Variants in PGS1 observed in about 807,000 individuals in gnomAD.
PGS1 encodes CDP-diacylglycerol--glycerol-3-phosphate 3-phosphatidyltransferase, mitochondrial.
A neutral mutation model predicts 58.3 loss-of-function variants in PGS1; 44 were observed. That is an observed-to-expected ratio of 0.75 (90% CI 0.59 to 0.97). PGS1 has a LOEUF of 0.97. PGS1 is among the 50% of genes least tolerant of loss of function. The pLI is 0.00. For missense variants in PGS1, 684 were observed against 731.1 expected, an observed-to-expected ratio of 0.94 and a Z score of 0.74; for synonymous variants, 330 against 311.0, an observed-to-expected ratio of 1.06 and a Z score of -0.64.
In PGS1 at chr17:78,378,809, G is replaced by T; in HGVS notation, c.143+1G>T. ...GGAACCGGGACCGCCAGCGCAGGAG[G>T]TGAGAGGGGCGGCCGGGATGAGAGT... On this transcript the variant is annotated splice_donor_variant, in intron 1 of 9. Transcript: ENST00000262764. LOFTEE classifies it high-confidence loss of function. 6.9e-7 allele frequency: 1 copy of T among 1,450,530 alleles called. No individual in the cohort carries two copies. The highest frequency in any genetic ancestry group is 1.4e-5 in the South Asian group (1 of 73,396). The allele number at this position is 1,450,530 out of a possible 1,614,324, so 89.9% of individuals were successfully genotyped here. A position where few individuals can be genotyped will look rare whatever the true frequency, so the allele number is the denominator to read the frequency against.
intron 1 of PGS1, among the ~76,000 whole-genome samples, chr17:78,392,255 G>A (rs1325193869): frequency 6.6e-6 from 1 of 152,164 alleles, no homozygotes; most frequent in Non-Finnish European, 1.5e-5. Flanking sequence ...TCAGTTAGTA[G>A]GCTCTTTAAG....
At chr17:78,397,947 T>G (rs957632566) in intron 3 of PGS1, 15 of 474,684 alleles carry the variant, frequency 3.2e-5, no homozygotes, top group Non-Finnish European at 6.0e-5. Context: ...GAAATGTACG[T>G]GAGACCTGGT....
At chr17:78,379,765 T>G (rs747523093) in intron 1 of PGS1, among the ~76,000 whole-genome samples, 3 of 149,820 alleles carry the variant, frequency 2.0e-5, no homozygotes, top group Non-Finnish European at 3.0e-5. Flanking sequence ...GGAGGTGGAG[T>G]TTGCAGTGAG....
At chr17:78,386,871 C>T (rs1398128949) in intron 1 of PGS1, among the ~76,000 whole-genome samples, 1 of 152,132 alleles carries the variant, frequency 6.6e-6, no homozygotes, top group Non-Finnish European at 1.5e-5. Context: ...AAATAGGTCC[C>T]TGAGCAGCGA....
At chr17:78,411,528 A>G (rs551797927) in intron 7 of PGS1, among the ~76,000 whole-genome samples, 1 of 152,304 alleles carries the variant, frequency 6.6e-6, no homozygotes, top group South Asian at 2.1e-4. Context: ...TCTGGCACCC[A>G]GGGCTGCAGT....
chr17:78,386,147 C>T (rs1325663201), intron 1 of PGS1, among the ~76,000 whole-genome samples: 1 of 152,172 alleles, frequency 6.6e-6, no homozygotes, highest in African/African-American at 2.4e-5. Context: ...GTCAGGCTTC[C>T]TGGGGTGGTG....
chr17:78,424,418 GC>G lies in PGS1; in HGVS notation c.*370del. ...CGTTTAAATCTGTGGCATTTTCAGA[GC>G]CTCATCTGTCAGCCTTAATGTCAGT... On this transcript the variant is annotated 3_prime_UTR_variant, in exon 10 of 10. Coordinates refer to ENST00000262764, the MANE Select transcript of PGS1 (RefSeq NM_024419.5). The G allele has an allele frequency of 2.3e-6, 1 of 429,584 alleles. No homozygotes were observed. Among genetic ancestry groups the G allele is most frequent in the Non-Finnish European group, 4.2e-6 (1 of 238,742 alleles). 26.6% of individuals were successfully genotyped at this position (429,584 alleles called of 1,614,324 possible). A position where few individuals can be genotyped will look rare whatever the true frequency, so the allele number is the denominator to read the frequency against.
intron 6 of PGS1, among the ~76,000 whole-genome samples, chr17:78,401,163 G>T (rs2083628001): frequency 6.6e-6 from 1 of 152,164 alleles, no homozygotes; most frequent in Admixed American, 6.5e-5. Context: ...AGGGTATGCA[G>T]CAGCGTGTCC....
chr17:78,379,191 C>T (rs998338016), intron 1 of PGS1, among the ~76,000 whole-genome samples: 1 of 152,196 alleles, frequency 6.6e-6, no homozygotes, highest in Admixed American at 6.5e-5. Context: ...ATCATGGTTT[C>T]GGCCCCAGGA....
At chr17:78,387,531 T>C (rs113847206) in intron 1 of PGS1, among the ~76,000 whole-genome samples, 2 of 151,204 alleles carry the variant, frequency 1.3e-5, no homozygotes, top group African/African-American at 4.9e-5. Context: ...ACTCCTGACC[T>C]CAGGTGATAT....
intron 7 of PGS1, among the ~76,000 whole-genome samples, chr17:78,412,575 T>C (rs2084809606): frequency 6.6e-6 from 1 of 152,220 alleles, no homozygotes; most frequent in Admixed American, 6.5e-5. Context: ...ACCGAGCCAG[T>C]GCTTAGGTGG....
chr17:78,388,624 T>C (rs1047001448), intron 1 of PGS1, among the ~76,000 whole-genome samples: 7 of 151,950 alleles, frequency 4.6e-5, no homozygotes, highest in African/African-American at 1.7e-4. Context: ...GGATTACAAG[T>C]GTGAGCCACT....
intron 1 of PGS1, among the ~76,000 whole-genome samples, chr17:78,386,889 A>G (rs2082421417): frequency 6.6e-6 from 1 of 152,160 alleles, no homozygotes; most frequent in African/African-American, 2.4e-5. Context: ...CGAGCAGTAT[A>G]GTTTCAGAGC....
chr17:78,411,470 G>C (rs1212884101), intron 7 of PGS1, among the ~76,000 whole-genome samples: 3 of 152,204 alleles, frequency 2.0e-5, no homozygotes, highest in Non-Finnish European at 4.4e-5. Context: ...TTTATAGTGA[G>C]TGAGTGTGGA....
intron 6 of PGS1, 28 bp from the exon 7 acceptor site, chr17:78,403,540 C>T (rs564038115): frequency 1.4e-5 from 23 of 1,599,770 alleles, no homozygotes; most frequent in South Asian, 2.2e-5. Context: ...TTTCTCTTCC[C>T]TTCACTCTTC....
intron 1 of PGS1, among the ~76,000 whole-genome samples, chr17:78,386,218 G>A (rs1271178791): frequency 2.0e-5 from 3 of 152,230 alleles, no homozygotes; most frequent in African/African-American, 7.2e-5. Flanking sequence ...CACCTTTAGA[G>A]TGGCAGGCTG....
chr17:78,378,820 G>T lies in PGS1; in HGVS notation c.143+12G>T. The stretch of plus-strand genomic sequence containing the variant: ...CGCCAGCGCAGGAGGTGAGAGGGGC[G>T]GCCGGGATGAGAGTGCAGCCCTCGC... On this transcript the variant is annotated intron_variant, in intron 1 of 9. Coordinates refer to ENST00000262764, the MANE Select transcript of PGS1 (RefSeq NM_024419.5). 1 of 1,435,604 alleles carries T rather than the reference G, an allele frequency of 7.0e-7. No individual in the cohort carries two copies. Among genetic ancestry groups the T allele is most frequent in the African/African-American group, 1.5e-5 (1 of 67,016 alleles). The allele number at this position is 1,435,604 out of a possible 1,614,324, so 88.9% of individuals were successfully genotyped here.
intron 8 of PGS1, 106 bp from the exon 9 acceptor site, chr17:78,419,440 T>A: frequency 1.0e-6 from 1 of 959,336 alleles, no homozygotes; most frequent in South Asian, 1.3e-5. Context: ...ACATGGGAAG[T>A]CAGGGTTTTC....
At position 78,423,104 on chromosome 17, in the gene PGS1, C is replaced by CG. The variant is rs1421629355; in HGVS notation, c.*11-956dup. On this transcript the variant is annotated intron_variant, in intron 9 of 9. Transcript: ENST00000262764. Reference sequence around the variant, plus strand: ...CAAGAGTGAAACTCTCACTCTCCCTCGAAAAAAAAAAAAAATGTTGATCCT... The same window carrying CG: ...CAAGAGTGAAACTCTCACTCTCCCTCGGAAAAAAAAAAAAAATGTTGATCCT... 7.5e-4 allele frequency among the ~76,000 whole-genome samples: 59 copies of CG among 78,788 alleles called. No individual in the cohort carries two copies. In the South Asian group the frequency reaches 0.012, roughly 16 times the overall value. 51.7% of individuals were successfully genotyped at this position (78,788 alleles called of 152,430 possible).
Sources: allele counts gnomAD v4.1 joint callset (sites outside exome capture counted in the v4.1 genomes callset), GRCh38; gene constraint gnomAD v4.1.1; transcripts MANE v1.5; gene names NCBI Gene and HGNC (gene_info 2026-07-23, HGNC 2026-07-21).